Variants in SDK1 observed in about 807,000 individuals in gnomAD.
The protein encoded by SDK1 is sidekick cell adhesion molecule 1.
Under a neutral mutation model 245.5 loss-of-function variants are expected in SDK1, and 157 were observed. The ratio of observed to expected loss-of-function variants is 0.64; its 90% CI spans 0.56 to 0.73. The LOEUF (loss-of-function observed/expected upper bound fraction) is 0.73. Ranked by LOEUF, SDK1 falls within the 30% of genes least tolerant of loss-of-function variation. The pLI, the probability that SDK1 is intolerant of heterozygous loss-of-function variation, is 0.00. For synonymous variants in SDK1, 1,647 were observed against 1,278.5 expected, an observed-to-expected ratio of 1.29 and a Z score of -6.15; for missense variants, 3,583 against 3,002.3, an observed-to-expected ratio of 1.19 and a Z score of -4.52.
intron 3 of SDK1, among the ~76,000 whole-genome samples, chr7:3,640,272 G>A (rs1782609013): frequency 6.6e-6 from 1 of 152,168 alleles, no homozygotes; most frequent in African/African-American, 2.4e-5. Context: ...GAGAACAAAA[G>A]AGCTCCTGAG....
chr7:3,381,196 T>C (rs540252032), intron 1 of SDK1, among the ~76,000 whole-genome samples: 3 of 152,158 alleles, frequency 2.0e-5, no homozygotes, highest in African/African-American at 7.2e-5. Context: ...AGAATAGGTA[T>C]TCTCAAAGGG....
At chr7:4,153,942 C>T (rs984288807) in intron 30 of SDK1, among the ~76,000 whole-genome samples, 3 of 152,090 alleles carry the variant, frequency 2.0e-5, no homozygotes, top group African/African-American at 7.2e-5. Flanking sequence ...CAGCCTCCCA[C>T]AGTACTGGGA....
chr7:3,820,212 T>C (rs41879), intron 4 of SDK1, among the ~76,000 whole-genome samples: 146,414 of 152,266 alleles, frequency 0.96, 70,431 homozygotes, highest in East Asian at 1. Context: ...TGTGGCGGCG[T>C]GATCTCAGCT....
At chr7:3,560,971 C>T (rs540625394) in intron 1 of SDK1, among the ~76,000 whole-genome samples, 6 of 152,304 alleles carry the variant, frequency 3.9e-5, no homozygotes, top group African/African-American at 9.6e-5. Flanking sequence ...CGCACCAACC[C>T]CCAAACATAA....
Position 4,017,185 on chromosome 7 carries a change from G to C in SDK1, c.2435G>C (p.Gly812Ala). 1 of 1,611,186 alleles carries C rather than the reference G, an allele frequency of 6.2e-7. No homozygotes were observed. Among genetic ancestry groups the C allele is most frequent in the Non-Finnish European group, 8.5e-7 (1 of 1,178,658 alleles). The change falls in exon 17 of 45, where the codon GGC (glycine) becomes GCC (alanine). Residue 812 changes from glycine to alanine, a missense_variant. Gly to Ala is a moderately conservative substitution (Grantham distance 60). Transcript: ENST00000404826. ...TCGTGGCGCAGGTACCGCCTGGCTG[G>C]CCTTCCCGGAGAGTACCAGCAGCGG... ...RGYILRYRLA[G>A]LPGEYQQRNI...
intron 23 of SDK1, among the ~76,000 whole-genome samples, chr7:4,111,633 A>C (rs1783358849): frequency 6.6e-6 from 1 of 152,236 alleles, no homozygotes; most frequent in South Asian, 2.1e-4. Context: ...GTTTTAAAGA[A>C]AAACATTTAG....
At position 3,344,256 on chromosome 7, in the gene SDK1, A is replaced by G. The variant is rs568328694; in HGVS notation, c.298+42372A>G. Among the ~76,000 whole-genome samples, 9 of 152,286 alleles carry G rather than the reference A, an allele frequency of 5.9e-5. 1 individual carries two copies. The South Asian group carries it at 1.9e-3, about 32-fold the overall frequency. Reference sequence around the variant, plus strand: ...AAAATGTTTTAAAAATGGTGGTAAAATATATCCTAATTTTTCATCTGAATC... The same window carrying G: ...AAAATGTTTTAAAAATGGTGGTAAAGTATATCCTAATTTTTCATCTGAATC... On this transcript the variant is annotated intron_variant, in intron 1 of 44. Transcript: ENST00000404826.
intron 1 of SDK1, among the ~76,000 whole-genome samples, chr7:3,329,837 C>T (rs1315012336): frequency 2.0e-5 from 3 of 152,202 alleles, no homozygotes; most frequent in Non-Finnish European, 4.4e-5. Flanking sequence ...AGTATAACAA[C>T]TACTTATATA....
At chr7:3,352,896 A>C (rs2128558571) in intron 1 of SDK1, among the ~76,000 whole-genome samples, 1 of 152,228 alleles carries the variant, frequency 6.6e-6, no homozygotes, top group South Asian at 2.1e-4. Flanking sequence ...CGGAACAGGC[A>C]CCAGGTTGAA....
At chr7:3,525,814 AT>A (rs889310194) in intron 1 of SDK1, among the ~76,000 whole-genome samples, 5 of 152,228 alleles carry the variant, frequency 3.3e-5, no homozygotes, top group African/African-American at 9.6e-5. Flanking sequence ...AAATAAAAAA[AT>A]ATCAATTTTA....
At chr7:4,186,941 C>G (rs1485784365) in intron 35 of SDK1, among the ~76,000 whole-genome samples, 5 of 152,134 alleles carry the variant, frequency 3.3e-5, no homozygotes. Context: ...GGATTGCCAC[C>G]CCTGGCATCT....
chr7:3,805,393 C>T (rs1463951372), intron 4 of SDK1, among the ~76,000 whole-genome samples: 2 of 152,210 alleles, frequency 1.3e-5, no homozygotes, highest in Admixed American at 6.5e-5. Context: ...TTGCCCCTTT[C>T]TTGGGTAGCG....
chr7:3,648,366 A>G (rs1053807414), intron 4 of SDK1, among the ~76,000 whole-genome samples: 1 of 152,202 alleles, frequency 6.6e-6, no homozygotes, highest in African/African-American at 2.4e-5. Context: ...CCTGACAGGA[A>G]TGTGCAAGCA....
chr7:4,055,593 A>G (rs1779145830), intron 19 of SDK1, among the ~76,000 whole-genome samples: 1 of 151,668 alleles, frequency 6.6e-6, no homozygotes, highest in Non-Finnish European at 1.5e-5. Context: ...CTCTTGTTCC[A>G]GGTCTCCTCT....
intron 1 of SDK1, among the ~76,000 whole-genome samples, chr7:3,375,631 G>A (rs1226521697): frequency 6.6e-6 from 1 of 152,126 alleles, no homozygotes; most frequent in African/African-American, 2.4e-5. Context: ...GCTACCTTTC[G>A]TGAGGACACT....
intron 20 of SDK1, among the ~76,000 whole-genome samples, chr7:4,069,940 G>T (rs938427167): frequency 6.6e-6 from 1 of 152,178 alleles, no homozygotes; most frequent in East Asian, 1.9e-4. Context: ...CAGCGTTGAT[G>T]TGGTGGGGGT....
intron 29 of SDK1, among the ~76,000 whole-genome samples, chr7:4,146,220 T>G (rs1584287497): frequency 1.3e-5 from 2 of 149,904 alleles, no homozygotes; most frequent in East Asian, 4.0e-4. Flanking sequence ...ACCTTCTGCC[T>G]CACACCTGCT....
At chr7:4,255,556 A>G (rs1787570550) in intron 44 of SDK1, among the ~76,000 whole-genome samples, 1 of 152,182 alleles carries the variant, frequency 6.6e-6, no homozygotes, top group Non-Finnish European at 1.5e-5. Flanking sequence ...CATACCTGGT[A>G]CAGGCTCCCA....
chr7:4,074,163 C>T (rs1008499906), intron 20 of SDK1, among the ~76,000 whole-genome samples: 12 of 152,000 alleles, frequency 7.9e-5, no homozygotes, highest in Non-Finnish European at 1.5e-4. Context: ...ACAGACGAAA[C>T]GAGCTATTCT....
Sources: allele counts gnomAD v4.1 joint callset (sites outside exome capture counted in the v4.1 genomes callset), GRCh38; gene constraint gnomAD v4.1.1; transcripts MANE v1.5; gene names NCBI Gene and HGNC (gene_info 2026-07-23, HGNC 2026-07-21).